Variants in TMEM217B observed in about 807,000 individuals in gnomAD.
TMEM217B encodes transmembrane protein 217B.
the TMEM217B span, among the ~76,000 whole-genome samples, chr6:37,226,378 C>T: frequency 6.7e-6 from 1 of 148,220 alleles, no homozygotes; most frequent in African/African-American, 2.5e-5. Context: ...CTGCAAGCTC[C>T]GCCTCCCGGG....
At chr6:37,246,373 A>G in the TMEM217B span, among the ~76,000 whole-genome samples, 1 of 152,144 alleles carries the variant, frequency 6.6e-6, no homozygotes, top group African/African-American at 2.4e-5. Flanking sequence ...TCCCCAGGGC[A>G]TGCTCTTCTC....
the TMEM217B span, among the ~76,000 whole-genome samples, chr6:37,245,452 C>A: frequency 6.6e-5 from 10 of 152,250 alleles, no homozygotes; most frequent in African/African-American, 2.4e-4. Context: ...AAACTCCTCC[C>A]GATTCGAAGT....
At chr6:37,255,944 C>T in the TMEM217B span, among the ~76,000 whole-genome samples, 1 of 152,146 alleles carries the variant, frequency 6.6e-6, no homozygotes, top group Non-Finnish European at 1.5e-5. Context: ...GTAGAAATAA[C>T]AGGGCTTTTC....
At chr6:37,243,603 T>A in the TMEM217B span, among the ~76,000 whole-genome samples, 1 of 152,194 alleles carries the variant, frequency 6.6e-6, no homozygotes, top group Non-Finnish European at 1.5e-5. Context: ...GGTTTTGTTT[T>A]GTTTTGTTTT....
chr6:37,229,510 T>C, the TMEM217B span, among the ~76,000 whole-genome samples: 3 of 151,758 alleles, frequency 2.0e-5, no homozygotes, highest in African/African-American at 7.3e-5. Flanking sequence ...GCCCGGCTAA[T>C]TTTTTGTATT....
the TMEM217B span, among the ~76,000 whole-genome samples, chr6:37,232,918 A>T: frequency 6.6e-6 from 1 of 152,148 alleles, no homozygotes; most frequent in Non-Finnish European, 1.5e-5. Context: ...CCTAAAGGCT[A>T]GTCTCCCTCA....
At chr6:37,228,683 G>A in the TMEM217B span, among the ~76,000 whole-genome samples, 7 of 152,050 alleles carry the variant, frequency 4.6e-5, no homozygotes, top group Non-Finnish European at 8.8e-5. Context: ...CAGCTTGGGC[G>A]ACAGAGCAAG....
At chr6:37,239,494 A>C in the TMEM217B span, among the ~76,000 whole-genome samples, 3 of 151,998 alleles carry the variant, frequency 2.0e-5, no homozygotes, top group Admixed American at 1.3e-4. Context: ...ATAAATAAAT[A>C]AATAAATAAA....
the TMEM217B span, among the ~76,000 whole-genome samples, chr6:37,252,635 A>AT: frequency 7.6e-4 from 46 of 60,378 alleles, no homozygotes; most frequent in African/African-American, 2.0e-3. Context: ...ATATATATAT[A>AT]TATTTTTTTT....
the TMEM217B span, among the ~76,000 whole-genome samples, chr6:37,228,134 A>C: frequency 6.6e-6 from 1 of 152,108 alleles, no homozygotes; most frequent in Non-Finnish European, 1.5e-5. Flanking sequence ...GGTGGCTTGC[A>C]CCTATAGTCC....
At chr6:37,252,641 T>A in the TMEM217B span, among the ~76,000 whole-genome samples, 1,175 of 58,178 alleles carry the variant, frequency 0.02, 2 homozygotes, top group Middle Eastern at 0.043. Flanking sequence ...ATATATATTT[T>A]TTTTTTTTTT....
the TMEM217B span, chr6:37,215,262 G>C: frequency 6.2e-7 from 1 of 1,613,866 alleles, no homozygotes; most frequent in Admixed American, 1.7e-5. Context: ...AGACAGACAG[G>C]TAAATATGCT....
the TMEM217B span, chr6:37,215,347 C>T: frequency 7.7e-6 from 12 of 1,551,494 alleles, no homozygotes; most frequent in South Asian, 1.1e-4. Context: ...AAACTTGAGG[C>T]AGGCGGATCA....
chr6:37,215,594 A>G, the TMEM217B span, among the ~76,000 whole-genome samples: 3 of 145,712 alleles, frequency 2.1e-5, no homozygotes, highest in Admixed American at 1.4e-4. Context: ...AAAAAAAAAA[A>G]AAAAAAAGAA....
At chr6:37,218,887 C>T in the TMEM217B span, 35 of 1,614,062 alleles carry the variant, frequency 2.2e-5, no homozygotes, top group Non-Finnish European at 1.3e-5. Context: ...CACCCCTGTA[C>T]TTTGGTGTGA....
the TMEM217B span, among the ~76,000 whole-genome samples, chr6:37,248,375 T>C: frequency 6.6e-6 from 1 of 152,252 alleles, no homozygotes; most frequent in African/African-American, 2.4e-5. Context: ...GGTGCAGTGC[T>C]GCATTGAATT....
chr6:37,215,370 T>G, the TMEM217B span: 4 of 1,452,778 alleles, frequency 2.8e-6, no homozygotes, highest in Non-Finnish European at 3.7e-6. Flanking sequence ...AGGTCAGGAG[T>G]TCAAGACCAG....
chr6:37,213,959 A>G, the TMEM217B span, among the ~76,000 whole-genome samples: 5,088 of 152,274 alleles, frequency 0.033, 279 homozygotes, highest in African/African-American at 0.11. Flanking sequence ...CGAATGTCCA[A>G]TGGGGGACAA....
chr6:37,247,266 C>T, the TMEM217B span, among the ~76,000 whole-genome samples: 1 of 152,126 alleles, frequency 6.6e-6, no homozygotes, highest in Non-Finnish European at 1.5e-5. Context: ...CTCCAAGAAG[C>T]TGACCCTGAG....
Sources: allele counts gnomAD v4.1 joint callset (sites outside exome capture counted in the v4.1 genomes callset), GRCh38; gene constraint gnomAD v4.1.1; transcripts MANE v1.5; gene names NCBI Gene and HGNC (gene_info 2026-07-23, HGNC 2026-07-21).